The following GPHN variants were observed in gnomAD, a reference collection of about 807,000 sequenced individuals.
The protein encoded by GPHN is gephyrin.
In GPHN, 17 loss-of-function variants were observed where a neutral mutation model predicts 95.5. The ratio of observed to expected loss-of-function variants is 0.18; its 90% CI spans 0.12 to 0.27. The LOEUF is 0.27. Among genes scored for constraint, GPHN ranks in the 10% least tolerant of loss-of-function variants. The probability of loss-of-function intolerance (pLI) is 1.00; values close to 1 mark genes in which losing one functional copy is unlikely to be tolerated. For synonymous variants in GPHN, 320 were observed against 322.5 expected (o/e 0.99, Z 0.08); for missense variants, 660 against 978.1 (o/e 0.67, Z 4.34).
intron 8 of GPHN, among the ~76,000 whole-genome samples, chr14:66,931,079 G>A (rs1218867400): frequency 6.6e-6 from 1 of 152,000 alleles, no homozygotes; most frequent in Admixed American, 6.6e-5. Context: ...ATCTGGGAAG[G>A]TCTTTATTTC....
Position 67,181,435 on chromosome 14 carries a change from G to C in GPHN, c.*498G>C, listed in dbSNP as rs989530080. On this transcript the variant is annotated 3_prime_UTR_variant, in exon 23 of 23. Coordinates refer to ENST00000478722, the MANE Select transcript of GPHN (RefSeq NM_020806.5). ...ATGTGCACAGTGCCAAAAGAAGACT[G>C]ACTGGGTGGAGGCTCTGCCTTGCCT... 3 of 509,426 alleles carry C rather than the reference G, an allele frequency of 5.9e-6. No individual in the cohort carries two copies. The highest frequency in any genetic ancestry group is 3.2e-5 in the South Asian group (2 of 62,534). The allele number at this position is 509,426 out of a possible 1,614,324, so 31.6% of individuals were successfully genotyped here. A position where few individuals can be genotyped will look rare whatever the true frequency, so the allele number is the denominator to read the frequency against.
intron 5 of GPHN, among the ~76,000 whole-genome samples, chr14:66,890,089 A>G (rs1421369469): frequency 1.3e-5 from 2 of 152,176 alleles, no homozygotes; most frequent in East Asian, 3.9e-4. Flanking sequence ...GAATAGACCT[A>G]TACCTAGGAA....
intron 1 of GPHN, among the ~76,000 whole-genome samples, chr14:66,648,420 C>T (rs765658586): frequency 1.3e-5 from 2 of 152,070 alleles, no homozygotes; most frequent in Non-Finnish European, 2.9e-5. Flanking sequence ...TGGTAATTTA[C>T]AGTCAGGCAC....
chr14:67,287,691 A>G, the GPHN span, among the ~76,000 whole-genome samples: 1 of 152,242 alleles, frequency 6.6e-6, no homozygotes, highest in Non-Finnish European at 1.5e-5. Context: ...TAATAATTTT[A>G]TCCTAGAAAT....
the GPHN span, chr14:67,572,171 A>G: frequency 6.2e-7 from 1 of 1,607,746 alleles, no homozygotes; most frequent in East Asian, 2.2e-5. Flanking sequence ...GAGGGTGACT[A>G]CGCCATCCCC....
chr14:67,585,522 A>T, the GPHN span: 1 of 1,310,578 alleles, frequency 7.6e-7, no homozygotes, highest in East Asian at 2.5e-5. Context: ...ATAGTTCAAA[A>T]TCTCTAACTA....
the GPHN span, among the ~76,000 whole-genome samples, chr14:67,526,778 A>C: frequency 6.6e-6 from 1 of 151,922 alleles, no homozygotes; most frequent in African/African-American, 2.4e-5. Context: ...GATGGTGCTG[A>C]GAGATAGTCT....
At chr14:67,364,717 TA>T in the GPHN span, 3 of 1,518,768 alleles carry the variant, frequency 2.0e-6, no homozygotes, top group Admixed American at 2.3e-5. Flanking sequence ...ATTTTTTTTT[TA>T]TTTTCACCTT....
chr14:67,022,142 A>C (rs541279528), intron 9 of GPHN, among the ~76,000 whole-genome samples: 1 of 152,142 alleles, frequency 6.6e-6, no homozygotes, highest in South Asian at 2.1e-4. Flanking sequence ...ACTTATGTTC[A>C]TTCCATAGTA....
chr14:67,692,460 A>C, the GPHN span: 3 of 1,614,038 alleles, frequency 1.9e-6, no homozygotes, highest in East Asian at 4.5e-5. Context: ...CCTTAGCAAA[A>C]GCTCGAATAG....
intron 1 of GPHN, among the ~76,000 whole-genome samples, chr14:66,532,891 T>G (rs1313189687): frequency 3.3e-5 from 5 of 152,216 alleles, no homozygotes; most frequent in African/African-American, 1.2e-4. Context: ...GAGGACTGAC[T>G]TTATTTTTGC....
At chr14:67,724,319 T>C in the GPHN span, among the ~76,000 whole-genome samples, 1 of 152,180 alleles carries the variant, frequency 6.6e-6, no homozygotes, top group Admixed American at 6.5e-5. Context: ...GGAAAAATGT[T>C]GTCCTATGAA....
At chr14:67,379,620 T>G in the GPHN span, among the ~76,000 whole-genome samples, 235 of 151,992 alleles carry the variant, frequency 1.5e-3, no homozygotes, top group African/African-American at 5.4e-3. Context: ...TGCTATTCCT[T>G]TTTTACATGA....
the GPHN span, chr14:67,581,133 G>A: frequency 2.6e-6 from 2 of 779,890 alleles, no homozygotes; most frequent in South Asian, 1.5e-5. Flanking sequence ...TCCAGACGGG[G>A]GGAGGGACCC....
intron 9 of GPHN, among the ~76,000 whole-genome samples, chr14:67,000,629 C>T (rs2072149584): frequency 6.6e-6 from 1 of 151,582 alleles, no homozygotes. Context: ...TCTTAGAATT[C>T]TATCTTTTGA....
At chr14:67,673,242 G>A in the GPHN span, among the ~76,000 whole-genome samples, 1 of 152,126 alleles carries the variant, frequency 6.6e-6, no homozygotes, top group Non-Finnish European at 1.5e-5. Flanking sequence ...TACTCCAGAG[G>A]CTGAGGCAGG....
At chr14:67,397,860 G>A in the GPHN span, 23 of 1,572,472 alleles carry the variant, frequency 1.5e-5, no homozygotes, top group South Asian at 2.4e-5. Flanking sequence ...GAGGTGAGGC[G>A]GTCAGTGGGA....
chr14:67,275,582 T>A, the GPHN span, among the ~76,000 whole-genome samples: 1 of 151,930 alleles, frequency 6.6e-6, no homozygotes, highest in Non-Finnish European at 1.5e-5. Flanking sequence ...TAAAATTCTC[T>A]TTTTTTTGTT....
the GPHN span, among the ~76,000 whole-genome samples, chr14:67,432,836 G>T: frequency 6.6e-6 from 1 of 152,036 alleles, no homozygotes; most frequent in East Asian, 1.9e-4. Flanking sequence ...TCTCTGTTTT[G>T]GTGGTCGCAT....
Sources: allele counts gnomAD v4.1 joint callset (sites outside exome capture counted in the v4.1 genomes callset), GRCh38; gene constraint gnomAD v4.1.1; transcripts MANE v1.5; gene names NCBI Gene and HGNC (gene_info 2026-07-23, HGNC 2026-07-21).